Variants in WDR26 observed in about 807,000 individuals in gnomAD.
WDR26 encodes WD repeat-containing protein 26.
Under a neutral mutation model 84.1 loss-of-function variants are expected in WDR26, and 5 were observed. That is an observed-to-expected ratio of 0.06 (90% CI 0.03 to 0.13). The LOEUF (loss-of-function observed/expected upper bound fraction) is 0.13. WDR26 is among the 10% of genes least tolerant of loss of function. The pLI is 1.00. For synonymous variants in WDR26, 415 were observed against 389.6 expected (o/e 1.07, Z -0.77); for missense variants, 642 against 974.9 (o/e 0.66, Z 4.55).
rs1472051998 is a variant in WDR26, at chr1:224,388,966, T to C, written c.*869A>G. On this transcript the variant is annotated 3_prime_UTR_variant, in exon 14 of 14. Transcript: ENST00000414423. Reference sequence around the variant, plus strand: ...GAATAAAACAAAAGGGGGGAAATCTTCAAAGCATTACTCTGAATTTCTTGT... The same window carrying C: ...GAATAAAACAAAAGGGGGGAAATCTCCAAAGCATTACTCTGAATTTCTTGT... The C allele has an allele frequency of 6.6e-6, 1 of 152,592 alleles. No homozygotes were observed. Among genetic ancestry groups the C allele is most frequent in the Non-Finnish European group, 1.5e-5 (1 of 68,038 alleles). 9.5% of individuals were successfully genotyped at this position (152,592 alleles called of 1,614,324 possible).
Position 224,386,617 on chromosome 1 carries a change from A to G in WDR26, c.*3218T>C, listed in dbSNP as rs889812564. ...TCCTAATAATAACATTCACCAGATT[A>G]CTACTGCTGTTTTTTTCAGACTAAG... On this transcript the variant is annotated 3_prime_UTR_variant, in exon 14 of 14. Transcript: ENST00000414423. 5 of 152,558 alleles carry G rather than the reference A, an allele frequency of 3.3e-5. No individual in the cohort carries two copies. Among genetic ancestry groups the G allele is most frequent in the African/African-American group, 1.2e-4 (5 of 41,452 alleles). The allele number at this position is 152,558 out of a possible 1,614,324, so 9.5% of individuals were successfully genotyped here. A position where few individuals can be genotyped will look rare whatever the true frequency, so the allele number is the denominator to read the frequency against.
chr1:224,433,556 T>A, intron 1 of WDR26, 128 bp downstream of exon 1: 1 of 1,292,210 alleles, frequency 7.7e-7, no homozygotes, highest in Non-Finnish European at 1.0e-6. Flanking sequence ...GGGTCCTGCG[T>A]GCCCAGCACT....
intron 3 of WDR26, among the ~76,000 whole-genome samples, chr1:224,426,384 A>G (rs1471693755): frequency 6.6e-6 from 1 of 152,184 alleles, no homozygotes; most frequent in Non-Finnish European, 1.5e-5. Flanking sequence ...ATTTAAATTT[A>G]TAAGATACAT....
chr1:224,418,561 T>C, intron 5 of WDR26, 145 bp from the exon 6 acceptor site: 1 of 688,898 alleles, frequency 1.5e-6, no homozygotes, highest in Non-Finnish European at 2.2e-6. Context: ...ATGCGATACG[T>C]GAGCTTTACG....
intron 6 of WDR26, among the ~76,000 whole-genome samples, chr1:224,412,491 AC>A (rs1673766669): frequency 6.6e-6 from 1 of 152,174 alleles, no homozygotes; most frequent in East Asian, 1.9e-4. Context: ...ATGACTATAA[AC>A]CATTTAGACT....
intron 3 of WDR26, chr1:224,430,422 T>A (rs1002819137): frequency 2.6e-5 from 4 of 152,138 alleles, no homozygotes; most frequent in Non-Finnish European, 2.9e-5. Flanking sequence ...CACCTTTAAT[T>A]CACCTGAAGC....
At chr1:224,426,144 C>T (rs1674204286) in intron 3 of WDR26, among the ~76,000 whole-genome samples, 1 of 152,178 alleles carries the variant, frequency 6.6e-6, no homozygotes, top group Non-Finnish European at 1.5e-5. Context: ...AGGCATGAGA[C>T]ACCGCACCCG....
Position 224,427,103 on chromosome 1 carries a change from C to CAAAAAAAAAAA in WDR26, c.928-2450_928-2449insTTTTTTTTTTT, listed in dbSNP as rs769063024. On this transcript the variant is annotated intron_variant, in intron 3 of 13. Transcript: ENST00000414423. ...GGGCAACGAGAGCAAAACTCTGTCTCCAAAAAAAAAAAAAAAAAAAAAAAG... is the reference window on the plus strand; with the variant it reads ...GGGCAACGAGAGCAAAACTCTGTCTCAAAAAAAAAAACAAAAAAAAAAAAAAAAAAAAAAAG... Among the ~76,000 whole-genome samples the CAAAAAAAAAAA allele has an allele frequency of 1.4e-3, 129 of 91,112 alleles. 10 individuals are homozygous for CAAAAAAAAAAA. The highest frequency in any genetic ancestry group is 6.8e-3 in the Middle Eastern group (1 of 148). 59.8% of individuals were successfully genotyped at this position (91,112 alleles called of 152,430 possible).
chr1:224,418,118 T>G, intron 6 of WDR26, 142 bp downstream of exon 6: 1 of 630,054 alleles, frequency 1.6e-6, no homozygotes, highest in Non-Finnish European at 2.4e-6. Flanking sequence ...ATTTTCAATT[T>G]TCATAGTTCC....
In WDR26 at chr1:224,434,777, T is replaced by C. The variant is rs1674565786; in HGVS notation, c.-372A>G. On this transcript the variant is annotated 5_prime_UTR_variant, in exon 1 of 14. Transcript: ENST00000414423. ...GCTCTGCTCCCTGGTGTGTTGATTC[T>C]TCCCCCAGCTGCTGCCTAATGGAGT... 5.1e-6 allele frequency: 5 copies of C among 986,202 alleles called. No homozygotes were observed. Among genetic ancestry groups the C allele is most frequent in the Non-Finnish European group, 3.6e-6 (3 of 830,290 alleles). The allele number at this position is 986,202 out of a possible 1,614,324, so 61.1% of individuals were successfully genotyped here. A position where few individuals can be genotyped will look rare whatever the true frequency, so the allele number is the denominator to read the frequency against.
intron 6 of WDR26, among the ~76,000 whole-genome samples, chr1:224,412,087 G>A (rs1460419729): frequency 6.6e-6 from 1 of 152,066 alleles, no homozygotes; most frequent in Admixed American, 6.5e-5. Context: ...AATGTCTTTG[G>A]CAAGTTATTT....
intron 3 of WDR26, among the ~76,000 whole-genome samples, chr1:224,426,729 C>A (rs1480491230): frequency 6.6e-6 from 1 of 151,206 alleles, no homozygotes; most frequent in Non-Finnish European, 1.5e-5. Flanking sequence ...GATATTCGCA[C>A]CATTTTAGCT....
intron 1 of WDR26, among the ~76,000 whole-genome samples, chr1:224,432,409 T>C (rs1674418446): frequency 6.6e-6 from 1 of 152,236 alleles, no homozygotes; most frequent in Non-Finnish European, 1.5e-5. Flanking sequence ...AAAATCTGTT[T>C]TCATACTAAT....
chr1:224,425,364 A>G (rs1262160887), intron 3 of WDR26, among the ~76,000 whole-genome samples: 1 of 152,208 alleles, frequency 6.6e-6, no homozygotes, highest in Non-Finnish European at 1.5e-5. Flanking sequence ...AAAAAGATTC[A>G]ATATTTGTAC....
In WDR26 at chr1:224,434,344, C is replaced by T. The variant is rs1160613428; in HGVS notation, c.62G>A (p.Gly21Asp). 3 of 1,227,842 alleles carry T rather than the reference C, an allele frequency of 2.4e-6. No individual in the cohort carries two copies. Among genetic ancestry groups the T allele is most frequent in the East Asian group, 3.2e-5 (1 of 31,430 alleles). The allele number at this position is 1,227,842 out of a possible 1,614,324, so 76.1% of individuals were successfully genotyped here. ...CTTCCGCGGGGGCGGGGAGGCTCCG[C>T]CGGTGTCCGAGTCGGAGGAGGAGGA... Residue 21 changes from glycine to aspartate, a missense_variant, in exon 1 of 14, where the codon GGC (glycine) becomes GAC (aspartate). This residue lies in a region of WDR26 where 291 missense variants were observed against 302.1 expected (regional missense o/e 0.96). Coordinates refer to ENST00000414423, the MANE Select transcript of WDR26 (RefSeq NM_001379403.1).
chr1:224,433,224 T>G (rs1241037621), intron 1 of WDR26, among the ~76,000 whole-genome samples: 1 of 152,154 alleles, frequency 6.6e-6, no homozygotes, highest in Non-Finnish European at 1.5e-5. Flanking sequence ...CTGCCACGGT[T>G]GGGGGTGGGG....
intron 7 of WDR26, among the ~76,000 whole-genome samples, chr1:224,405,047 A>G (rs1420951375): frequency 2.0e-5 from 3 of 152,130 alleles, no homozygotes; most frequent in Non-Finnish European, 4.4e-5. Context: ...GAACATTCTC[A>G]TCATTTCCCA....
Position 224,407,151 on chromosome 1 carries a change from A to AAAAAGAATATATATATAT in WDR26, c.1459-2582_1459-2581insATATATATATATTCTTTT. On this transcript the variant is annotated intron_variant, in intron 7 of 13. Transcript: ENST00000414423. Reference sequence around the variant, plus strand: ...AAAAAAAAAAAAAAAAAAAAAAAAAAATATATATATATATATATATAACTC... The same window carrying AAAAAGAATATATATATAT: ...AAAAAAAAAAAAAAAAAAAAAAAAAAAAAAGAATATATATATATATATATATATATATATATATAACTC... Among the ~76,000 whole-genome samples the AAAAAGAATATATATATAT allele has an allele frequency of 8.4e-4, 10 of 11,876 alleles. 3 individuals carry two copies. Among genetic ancestry groups the AAAAAGAATATATATATAT allele is most frequent in the Non-Finnish European group, 1.4e-3 (10 of 7,118 alleles). 7.8% of individuals were successfully genotyped at this position (11,876 alleles called of 152,430 possible). A position where few individuals can be genotyped will look rare whatever the true frequency, so the allele number is the denominator to read the frequency against.
In WDR26 at chr1:224,434,530, G is replaced by C. The variant is rs1674546346; in HGVS notation, c.-125C>G. Reference sequence around the variant, plus strand: ...GAGGGTGAGGGTGAGGGTGAGAGGAGGGGGAGGAGGAGGAGGGGGAGAAGG... The same window carrying C: ...GAGGGTGAGGGTGAGGGTGAGAGGACGGGGAGGAGGAGGAGGGGGAGAAGG... On this transcript the variant is annotated 5_prime_UTR_variant, in exon 1 of 14. Transcript: ENST00000414423. The C allele has an allele frequency of 2.6e-6, 1 of 379,162 alleles. No individual in the cohort carries two copies. The highest frequency in any genetic ancestry group is 3.6e-6 in the Non-Finnish European group (1 of 281,022). 23.5% of individuals were successfully genotyped at this position (379,162 alleles called of 1,614,324 possible).
Sources: gnomAD v4.1 joint callset for allele counts (sites outside exome capture counted in the v4.1 genomes callset) on GRCh38, gnomAD v4.1.1 for gene constraint, gnomAD v4.1.1 regional missense constraint, MANE v1.5 for transcripts, NCBI Gene and HGNC (gene_info 2026-07-23, HGNC 2026-07-21) for gene names.